The following TRPC7 variants were observed in gnomAD, a reference collection of about 807,000 sequenced individuals.
TRPC7 encodes transient receptor potential cation channel subfamily C member 7, also known as short transient receptor potential channel 7.
In TRPC7, 42 loss-of-function variants were observed where a neutral mutation model predicts 90.1. The observed-to-expected ratio is 0.47, with a 90% CI of 0.36 to 0.60. TRPC7 has a LOEUF of 0.60. Ranked by LOEUF, TRPC7 falls within the 20% of genes least tolerant of loss-of-function variation. The pLI, the probability that TRPC7 is intolerant of heterozygous loss-of-function variation, is 0.00. For missense variants in TRPC7, 955 were observed against 1,112.3 expected (o/e 0.86, Z 2.01); for synonymous variants, 451 against 436.3 (o/e 1.03, Z -0.42).
chr5:136,351,401 A>G (rs1403866220), intron 2 of TRPC7, among the ~76,000 whole-genome samples: 2 of 152,274 alleles, frequency 1.3e-5, no homozygotes, highest in Non-Finnish European at 2.9e-5. Flanking sequence ...TTATACTACC[A>G]GCCAAGCTTT....
chr5:136,309,439 T>C (rs955734245), intron 3 of TRPC7, among the ~76,000 whole-genome samples: 2 of 152,236 alleles, frequency 1.3e-5, no homozygotes, highest in Non-Finnish European at 2.9e-5. Flanking sequence ...AGGGTGATTC[T>C]TTTTCCTGTT....
intron 2 of TRPC7, among the ~76,000 whole-genome samples, chr5:136,355,558 G>A (rs1407335028): frequency 6.6e-6 from 1 of 152,174 alleles, no homozygotes; most frequent in Non-Finnish European, 1.5e-5. Context: ...CAGCACTTTG[G>A]GAGGCCGAGG....
At chr5:136,349,277 T>C (rs913599149) in intron 2 of TRPC7, among the ~76,000 whole-genome samples, 2 of 152,210 alleles carry the variant, frequency 1.3e-5, no homozygotes, top group African/African-American at 4.8e-5. Context: ...TTTTTAACCA[T>C]GGAGCTCACA....
intron 3 of TRPC7, among the ~76,000 whole-genome samples, chr5:136,308,806 G>A (rs1758732473): frequency 6.6e-6 from 1 of 152,224 alleles, no homozygotes; most frequent in Non-Finnish European, 1.5e-5. Flanking sequence ...CTGCAGGCCA[G>A]CAGACTGAGA....
chr5:136,317,208 G>C (rs1411995967), intron 2 of TRPC7, among the ~76,000 whole-genome samples: 3 of 152,142 alleles, frequency 2.0e-5, no homozygotes, highest in Non-Finnish European at 4.4e-5. Context: ...AGAAACTTTT[G>C]GGGTTCTAGG....
intron 3 of TRPC7, among the ~76,000 whole-genome samples, chr5:136,296,653 GC>G (rs1177146262): frequency 1.3e-5 from 2 of 152,162 alleles, no homozygotes; most frequent in Non-Finnish European, 2.9e-5. Context: ...TTACCCTATA[GC>G]TGTATGTACG....
intron 1 of TRPC7, among the ~76,000 whole-genome samples, chr5:136,359,121 T>C (rs1446456220): frequency 1.3e-5 from 2 of 152,226 alleles, no homozygotes; most frequent in Non-Finnish European, 2.9e-5. Context: ...CTTGTGAATG[T>C]TTAAATTGGG....
chr5:136,275,094 T>A (rs1469716888), intron 3 of TRPC7, among the ~76,000 whole-genome samples: 1 of 152,046 alleles, frequency 6.6e-6, no homozygotes, highest in Admixed American at 6.5e-5. Flanking sequence ...CCTAGAAAAG[T>A]CTAAGGCACA....
At chr5:136,252,026 C>T (rs1220255051) in intron 5 of TRPC7, 144 bp from the exon 6 acceptor site, 5 of 667,708 alleles carry the variant, frequency 7.5e-6, no homozygotes, top group Admixed American at 5.4e-5. Context: ...CAGACAGAAA[C>T]GTGTTTTCAA....
intron 10 of TRPC7, among the ~76,000 whole-genome samples, chr5:136,224,229 A>G (rs1755554291): frequency 6.6e-6 from 1 of 152,222 alleles, no homozygotes; most frequent in Admixed American, 6.5e-5. Context: ...ATCATCGAGA[A>G]GTGGAAGACA....
At chr5:136,325,554 T>A (rs945895964) in intron 2 of TRPC7, among the ~76,000 whole-genome samples, 1 of 152,176 alleles carries the variant, frequency 6.6e-6, no homozygotes, top group Non-Finnish European at 1.5e-5. Context: ...TATCAGTAGA[T>A]CATTACATTA....
intron 1 of TRPC7, among the ~76,000 whole-genome samples, chr5:136,364,139 A>G (rs1760652490): frequency 6.6e-6 from 1 of 152,222 alleles, no homozygotes; most frequent in Non-Finnish European, 1.5e-5. Context: ...GATTGCCTTT[A>G]CTAAGCAAGA....
chr5:136,255,739 T>G (rs866108892), intron 5 of TRPC7, among the ~76,000 whole-genome samples: 1 of 152,246 alleles, frequency 6.6e-6, no homozygotes, highest in Non-Finnish European at 1.5e-5. Flanking sequence ...ATGTATTATC[T>G]TAAATCCTTG....
At chr5:136,322,114 A>T (rs2346826) in intron 2 of TRPC7, among the ~76,000 whole-genome samples, 2 of 152,056 alleles carry the variant, frequency 1.3e-5, no homozygotes, top group Non-Finnish European at 2.9e-5. Context: ...TCCAGAATTC[A>T]AGCAATTCTC....
At chr5:136,245,768 A>G (rs1377329875) in intron 7 of TRPC7, among the ~76,000 whole-genome samples, 3 of 152,140 alleles carry the variant, frequency 2.0e-5, no homozygotes, top group African/African-American at 7.2e-5. Flanking sequence ...GACTGGAAAC[A>G]CTTCTGTGTT....
chr5:136,356,947 G>T lies in TRPC7; in HGVS notation c.441C>A (p.Arg147=). Residue 147 remains arginine, a synonymous_variant, in exon 2 of 12, where the codon CGC becomes CGA. Coordinates refer to ENST00000513104, the MANE Select transcript of TRPC7 (RefSeq NM_020389.3). ...CGTCGTAGGCATAGAAGTCGTCGTCGCGCAGCTCCTGTTCCAGCGGGCTGA... is the reference window on the plus strand; with the variant it reads ...CGTCGTAGGCATAGAAGTCGTCGTCTCGCAGCTCCTGTTCCAGCGGGCTGA... ...LTLSPLEQEL[R]DDDFYAYDED... is the part of the protein sequence containing the mutation. 1 of 1,612,946 alleles carries T rather than the reference G, an allele frequency of 6.2e-7. No homozygotes were observed. Among genetic ancestry groups the T allele is most frequent in the Non-Finnish European group, 8.5e-7 (1 of 1,179,756 alleles).
chr5:136,258,940 C>T (rs1023508713), intron 5 of TRPC7, among the ~76,000 whole-genome samples: 7 of 152,192 alleles, frequency 4.6e-5, no homozygotes, highest in Non-Finnish European at 1.0e-4. Context: ...GTCCTAACAT[C>T]AAAACACTAT....
At chr5:136,346,605 ACT>A (rs1760016114) in intron 2 of TRPC7, among the ~76,000 whole-genome samples, 1 of 152,190 alleles carries the variant, frequency 6.6e-6, no homozygotes, top group South Asian at 2.1e-4. Context: ...TTCCCATATC[ACT>A]GGCTTGGTTT....
At chr5:136,302,857 C>G (rs964090570) in intron 3 of TRPC7, among the ~76,000 whole-genome samples, 2 of 152,014 alleles carry the variant, frequency 1.3e-5, no homozygotes, top group Non-Finnish European at 2.9e-5. Context: ...CCCAATGAAA[C>G]TCATCCCAAA....
Sources: allele counts gnomAD v4.1 joint callset (sites outside exome capture counted in the v4.1 genomes callset), GRCh38; gene constraint gnomAD v4.1.1; transcripts MANE v1.5; gene names NCBI Gene and HGNC (gene_info 2026-07-23, HGNC 2026-07-21).